SKAP2: variants seen among roughly 807,000 people sequenced by gnomAD.
The protein encoded by SKAP2 is src kinase associated phosphoprotein 2, also known as src kinase-associated phosphoprotein 2.
Under a neutral mutation model 54.9 loss-of-function variants are expected in SKAP2, and 28 were observed. That is an observed-to-expected ratio of 0.51 (90% CI 0.38 to 0.70). The LOEUF is 0.70. SKAP2 is among the 30% of genes least tolerant of loss of function. The pLI, the probability that SKAP2 is intolerant of heterozygous loss-of-function variation, is 0.00. For synonymous variants in SKAP2, 137 were observed against 134.3 expected (o/e 1.02, Z -0.14); for missense variants, 356 against 424.1 (o/e 0.84, Z 1.41).
At chr7:26,780,535 C>T (rs921820287) in intron 4 of SKAP2, among the ~76,000 whole-genome samples, 7 of 151,956 alleles carry the variant, frequency 4.6e-5, no homozygotes, top group African/African-American at 1.7e-4. Context: ...ATGATTGTGT[C>T]CCAATAAAAC....
At chr7:26,821,108 TA>T (rs57548049) in intron 4 of SKAP2, among the ~76,000 whole-genome samples, 32,288 of 152,058 alleles carry the variant, frequency 0.21, 3,502 homozygotes, top group Non-Finnish European at 0.24. Flanking sequence ...TGATGAAACA[TA>T]AGAGTTTATC....
At chr7:26,739,522 G>T (rs947701760) in intron 5 of SKAP2, among the ~76,000 whole-genome samples, 1 of 152,130 alleles carries the variant, frequency 6.6e-6, no homozygotes, top group Non-Finnish European at 1.5e-5. Context: ...TCTGAACCAT[G>T]GTGCATGCCA....
chr7:26,743,661 C>T (rs1311147680), intron 4 of SKAP2, among the ~76,000 whole-genome samples: 2 of 151,998 alleles, frequency 1.3e-5, no homozygotes, highest in South Asian at 2.1e-4. Context: ...AAAATGAGTA[C>T]GTATTTCTTA....
chr7:26,808,426 A>G (rs1191432262), intron 4 of SKAP2, among the ~76,000 whole-genome samples: 1 of 152,174 alleles, frequency 6.6e-6, no homozygotes, highest in Non-Finnish European at 1.5e-5. Flanking sequence ...CAATTCAGAG[A>G]CTAAAAATAG....
In SKAP2 at chr7:26,811,691, T is replaced by C. The variant is rs142153702; in HGVS notation, c.307+32339A>G. On this transcript the variant is annotated intron_variant, in intron 4 of 12. Transcript: ENST00000345317. ...TGTCATAAAGCCCCACTAAGAAAACTGTCTTTTGTTATGTATCCCAAAATA... is the reference window on the plus strand; with the variant it reads ...TGTCATAAAGCCCCACTAAGAAAACCGTCTTTTGTTATGTATCCCAAAATA... Among the ~76,000 whole-genome samples the C allele has an allele frequency of 1.7e-3, 257 of 152,280 alleles. 1 individual carries two copies. Among genetic ancestry groups the C allele is most frequent in the African/African-American group, 5.9e-3 (247 of 41,546 alleles).
chr7:26,735,449 AC>A (rs1357229019), intron 6 of SKAP2, among the ~76,000 whole-genome samples: 1 of 152,230 alleles, frequency 6.6e-6, no homozygotes, highest in Admixed American at 6.5e-5. Context: ...ATTTATTGGT[AC>A]AATGGTAAGT....
chr7:26,788,902 T>G (rs1783617169), intron 4 of SKAP2, among the ~76,000 whole-genome samples: 1 of 152,142 alleles, frequency 6.6e-6, no homozygotes, highest in African/African-American at 2.4e-5. Context: ...CATAGTCTCT[T>G]CGGAATAATT....
chr7:26,697,386 T>C (rs552424532), intron 9 of SKAP2, among the ~76,000 whole-genome samples: 2 of 152,322 alleles, frequency 1.3e-5, no homozygotes, highest in East Asian at 3.9e-4. Context: ...CAGAAGCGAC[T>C]GTGAATTAGA....
At chr7:26,809,981 G>C (rs1464525710) in intron 4 of SKAP2, among the ~76,000 whole-genome samples, 1 of 152,174 alleles carries the variant, frequency 6.6e-6, no homozygotes, top group Non-Finnish European at 1.5e-5. Context: ...AGGGCATTAA[G>C]TTAAGTAAAA....
At chr7:26,750,579 A>C (rs1042756709) in intron 4 of SKAP2, among the ~76,000 whole-genome samples, 6 of 152,050 alleles carry the variant, frequency 3.9e-5, no homozygotes, top group Non-Finnish European at 8.8e-5. Context: ...CCAAAGTGCT[A>C]GGATTATAGG....
intron 9 of SKAP2, among the ~76,000 whole-genome samples, chr7:26,691,558 A>C (rs1383146675): frequency 1.3e-5 from 2 of 152,242 alleles, no homozygotes; most frequent in African/African-American, 2.4e-5. Flanking sequence ...GAGATCTACC[A>C]AGGAGGTAAA....
At chr7:26,736,609 T>TA (rs1205224171) in intron 6 of SKAP2, among the ~76,000 whole-genome samples, 1 of 152,234 alleles carries the variant, frequency 6.6e-6, no homozygotes, top group Admixed American at 6.5e-5. Context: ...TTTACTTTCT[T>TA]AATAAACTTG....
Position 26,799,097 on chromosome 7 carries a change from A to G in SKAP2, c.307+44933T>C, listed in dbSNP as rs796961166. 7.0e-5 allele frequency among the ~76,000 whole-genome samples: 10 copies of G among 141,908 alleles called. No homozygotes were observed. The East Asian group carries it at 7.9e-4, about 11-fold the overall frequency. The allele number at this position is 141,908 out of a possible 152,430, so 93.1% of individuals were successfully genotyped here. On this transcript the variant is annotated intron_variant, in intron 4 of 12. Coordinates refer to ENST00000345317, the MANE Select transcript of SKAP2 (RefSeq NM_003930.5). ...GGGCAAGGCAAGGCAGGGCAGGGCAAGGCAAGGCAAGGCAAGACAAGGCAA... is the reference window on the plus strand; with the variant it reads ...GGGCAAGGCAAGGCAGGGCAGGGCAGGGCAAGGCAAGGCAAGACAAGGCAA...
chr7:26,850,632 A>G (rs1785021043), intron 3 of SKAP2, among the ~76,000 whole-genome samples: 1 of 152,012 alleles, frequency 6.6e-6, no homozygotes, highest in South Asian at 2.1e-4. Context: ...AAAAGAAACT[A>G]GGTTATTCTG....
At chr7:26,665,595 G>A (rs1269595796), downstream of SKAP2, among the ~76,000 whole-genome samples, 2 of 152,120 alleles carry the variant, frequency 1.3e-5, no homozygotes, top group Non-Finnish European at 2.9e-5. Context: ...TTGTGTATAA[G>A]TAATGGTAGA....
Position 26,667,465 on chromosome 7 carries a change from C to T in SKAP2, c.*2201G>A, listed in dbSNP as rs186213072. 169 of 152,544 alleles carry T rather than the reference C, an allele frequency of 1.1e-3. 1 individual carries two copies. The highest frequency in any genetic ancestry group is 3.9e-3 in the African/African-American group (160 of 41,554). 9.4% of individuals were successfully genotyped at this position (152,544 alleles called of 1,614,324 possible). On this transcript the variant is annotated 3_prime_UTR_variant, in exon 13 of 13. Coordinates refer to ENST00000345317, the MANE Select transcript of SKAP2 (RefSeq NM_003930.5). Reference sequence around the variant, plus strand: ...GAATTGAAAGTAATGATTATTTGTCCTGTCACTCCAGTTTTAAGTCTTTTC... The same window carrying T: ...GAATTGAAAGTAATGATTATTTGTCTTGTCACTCCAGTTTTAAGTCTTTTC...
intron 11 of SKAP2, among the ~76,000 whole-genome samples, chr7:26,677,246 G>T (rs964630662): frequency 3.9e-5 from 6 of 151,980 alleles, no homozygotes; most frequent in African/African-American, 1.5e-4. Context: ...CAAAAAATTA[G>T]CCGGGCATGG....
chr7:26,858,728 G>A (rs777749826), intron 1 of SKAP2, among the ~76,000 whole-genome samples: 4 of 152,084 alleles, frequency 2.6e-5, no homozygotes, highest in Non-Finnish European at 4.4e-5. Flanking sequence ...CTTCTACACA[G>A]ATCACATAGT....
chr7:26,810,042 G>A (rs925207878), intron 4 of SKAP2, among the ~76,000 whole-genome samples: 8 of 152,094 alleles, frequency 5.3e-5, no homozygotes, highest in East Asian at 3.9e-4. Flanking sequence ...TATATGTAGT[G>A]TTAAAAAGTT....
Sources: allele counts gnomAD v4.1 joint callset (sites outside exome capture counted in the v4.1 genomes callset), GRCh38; gene constraint gnomAD v4.1.1; transcripts MANE v1.5; gene names NCBI Gene and HGNC (gene_info 2026-07-23, HGNC 2026-07-21).